RIT2: variants seen among roughly 807,000 people sequenced by gnomAD.
The protein encoded by RIT2 is Ras like without CAAX 2.
A neutral mutation model predicts 23.7 loss-of-function variants in RIT2; 24 were observed. The observed-to-expected ratio is 1.01, with a 90% CI of 0.73 to 1.43. The LOEUF is 1.43. RIT2 is among the 40% of genes most tolerant of loss of function. The pLI is 0.00. For synonymous variants in RIT2, 107 were observed against 91.1 expected (o/e 1.17, Z -0.99); for missense variants, 236 against 266.9 (o/e 0.88, Z 0.81).
chr18:43,033,940 C>A, intron 1 of RIT2, 73 bp from the exon 2 acceptor site: 1 of 998,604 alleles, frequency 1.0e-6, no homozygotes, highest in South Asian at 1.4e-5. Context: ...CCAACATAGT[C>A]CACCAATCTT....
intron 4 of RIT2, among the ~76,000 whole-genome samples, chr18:42,842,716 T>C (rs141432392): frequency 6.6e-6 from 1 of 152,246 alleles, no homozygotes; most frequent in Non-Finnish European, 1.5e-5. Context: ...ACCAACACGA[T>C]GCCACAAGTG....
intron 4 of RIT2, among the ~76,000 whole-genome samples, chr18:42,785,060 A>G (rs1052152680): frequency 6.6e-6 from 1 of 152,146 alleles, no homozygotes; most frequent in African/African-American, 2.4e-5. Flanking sequence ...ATAATATATT[A>G]ATTCAGATAT....
chr18:42,934,564 T>G (rs985759291), intron 3 of RIT2, among the ~76,000 whole-genome samples: 1 of 152,142 alleles, frequency 6.6e-6, no homozygotes, highest in African/African-American at 2.4e-5. Flanking sequence ...AAGTTAATAG[T>G]TTTTTCAAAT....
chr18:42,881,620 TC>T (rs2144080017), intron 4 of RIT2, among the ~76,000 whole-genome samples: 1 of 152,324 alleles, frequency 6.6e-6, no homozygotes, highest in South Asian at 2.1e-4. Flanking sequence ...GCTTTTTCCC[TC>T]CTCTGCATAC....
chr18:42,997,486 G>GAAAA (rs1911012075), intron 2 of RIT2, among the ~76,000 whole-genome samples: 1 of 151,326 alleles, frequency 6.6e-6, no homozygotes, highest in Non-Finnish European at 1.5e-5. Context: ...GAGGGAGGAA[G>GAAAA]AAAAAAAGGA....
intron 4 of RIT2, chr18:42,920,775 G>A: frequency 6.4e-7 from 1 of 1,568,232 alleles, no homozygotes. Flanking sequence ...TAAGGAATAA[G>A]AATTGCTTAG....
intron 4 of RIT2, among the ~76,000 whole-genome samples, chr18:42,811,297 TAAC>T (rs1158035728): frequency 1.3e-5 from 2 of 152,110 alleles, no homozygotes; most frequent in Non-Finnish European, 2.9e-5. Context: ...TAGCCAATAA[TAAC>T]ATTTTTTTAT....
At chr18:42,984,222 A>G (rs909472026) in intron 2 of RIT2, among the ~76,000 whole-genome samples, 1 of 152,118 alleles carries the variant, frequency 6.6e-6, no homozygotes, top group Non-Finnish European at 1.5e-5. Context: ...ATACTGTTGA[A>G]TAATAAAAAA....
chr18:42,761,682 T>G (rs190592918), intron 4 of RIT2, among the ~76,000 whole-genome samples: 1 of 151,788 alleles, frequency 6.6e-6, no homozygotes, highest in African/African-American at 2.4e-5. Context: ...TTTTAAAAAA[T>G]TATTATTATT....
intron 1 of RIT2, among the ~76,000 whole-genome samples, chr18:43,053,010 C>T (rs1912419757): frequency 6.6e-6 from 1 of 151,928 alleles, no homozygotes; most frequent in Admixed American, 6.6e-5. Flanking sequence ...TTACCACAAC[C>T]CTCTCAACTT....
chr18:42,905,796 G>T (rs565116504), intron 4 of RIT2, among the ~76,000 whole-genome samples: 1 of 151,128 alleles, frequency 6.6e-6, no homozygotes, highest in South Asian at 2.1e-4. Flanking sequence ...TTTGATATTG[G>T]CTATATCTGC....
intron 4 of RIT2, among the ~76,000 whole-genome samples, chr18:42,758,509 G>GTTATAT (rs991735199): frequency 1.5e-5 from 2 of 135,358 alleles, no homozygotes; most frequent in Non-Finnish European, 3.2e-5. Context: ...GATAACCCTT[G>GTTATAT]TTTTATTTTT....
intron 4 of RIT2, among the ~76,000 whole-genome samples, chr18:42,915,311 T>C (rs185434999): frequency 6.6e-6 from 1 of 151,982 alleles, no homozygotes; most frequent in Non-Finnish European, 1.5e-5. Context: ...AAATCTTAGA[T>C]AGGGTAATAA....
intron 2 of RIT2, among the ~76,000 whole-genome samples, chr18:42,994,876 C>T (rs1204204339): frequency 6.6e-6 from 1 of 152,164 alleles, no homozygotes; most frequent in Non-Finnish European, 1.5e-5. Flanking sequence ...CTCCCTGGCT[C>T]CTTCAGCTAC....
At chr18:43,003,088 C>T (rs911921285) in intron 2 of RIT2, among the ~76,000 whole-genome samples, 1 of 151,912 alleles carries the variant, frequency 6.6e-6, no homozygotes, top group South Asian at 2.1e-4. Context: ...GAGCCTCTAG[C>T]AAGGAACTCA....
At chr18:43,080,708 G>A (rs777009662) in intron 1 of RIT2, among the ~76,000 whole-genome samples, 9 of 152,068 alleles carry the variant, frequency 5.9e-5, no homozygotes, top group Non-Finnish European at 1.2e-4. Context: ...AGGTAAGAAG[G>A]GAAATTCTTA....
At chr18:42,891,954 G>T (rs902341621) in intron 4 of RIT2, among the ~76,000 whole-genome samples, 24 of 152,058 alleles carry the variant, frequency 1.6e-4, no homozygotes, top group Non-Finnish European at 2.9e-5. Context: ...TTCTAGTGAG[G>T]GCTGTTGATA....
intron 4 of RIT2, among the ~76,000 whole-genome samples, chr18:42,756,087 C>T (rs1913156782): frequency 6.6e-6 from 1 of 151,916 alleles, no homozygotes; most frequent in African/African-American, 2.4e-5. Context: ...TGGTTTAGAC[C>T]AGAGCACAAG....
intron 2 of RIT2, among the ~76,000 whole-genome samples, chr18:42,995,621 G>A (rs975158110): frequency 1.3e-5 from 2 of 152,026 alleles, no homozygotes; most frequent in African/African-American, 4.8e-5. Flanking sequence ...AAGGTACAAC[G>A]GACTAATGGT....
Sources: allele counts gnomAD v4.1 joint callset (sites outside exome capture counted in the v4.1 genomes callset), GRCh38; gene constraint gnomAD v4.1.1; transcripts MANE v1.5; gene names NCBI Gene and HGNC (gene_info 2026-07-23, HGNC 2026-07-21).